EYS: variants seen among roughly 807,000 people sequenced by gnomAD.
EYS encodes the protein EGF-like photoreceptor maintenance factor.
EYS carries 250 observed loss-of-function variants against 282.1 expected under a neutral mutation model. That is an observed-to-expected ratio of 0.89 (90% confidence interval 0.80 to 0.98). The LOEUF is 0.98. Ranked by LOEUF, EYS falls within the 50% of genes least tolerant of loss-of-function variation. The pLI, the probability that EYS is intolerant of heterozygous loss-of-function variation, is 0.00. For synonymous variants in EYS, 1,355 were observed against 1,282.9 expected, an observed-to-expected ratio of 1.06 and a Z score of -1.20; for missense variants, 4,016 against 3,709.0, an observed-to-expected ratio of 1.08 and a Z score of -2.15.
intron 22 of EYS, among the ~76,000 whole-genome samples, chr6:64,634,531 A>G (rs892040645): frequency 7.0e-5 from 9 of 128,596 alleles, no homozygotes; most frequent in African/African-American, 2.4e-4. Flanking sequence ...TATACTCAGT[A>G]AGATACCCTA....
chr6:64,780,307 T>C (rs1427050088), intron 22 of EYS, among the ~76,000 whole-genome samples: 1 of 152,196 alleles, frequency 6.6e-6, no homozygotes, highest in Middle Eastern at 3.2e-3. Flanking sequence ...AAAAATATAA[T>C]GGTTGAAGAA....
At position 64,813,511 on chromosome 6, in the gene EYS, T is replaced by C. The variant is rs2150016228; in HGVS notation, c.3310A>G (p.Ile1104Val). The change falls in exon 22 of 43, where the codon ATT (isoleucine) becomes GTT (valine). Residue 1104 changes from isoleucine (I) to valine (V), a missense_variant. Transcript: ENST00000503581. Reference protein sequence around the residue: ...CQKSAHGFTCICPRGYTGAYC... With the variant: ...CQKSAHGFTCVCPRGYTGAYC... ...GCACCAGTGTATCCACGTGGGCAAATGCAAGTAAATCCATGTGCTGACTTC... is the reference window on the plus strand; with the variant it reads ...GCACCAGTGTATCCACGTGGGCAAACGCAAGTAAATCCATGTGCTGACTTC... 6.4e-7 allele frequency: 1 copy of C among 1,550,610 alleles called. No individual in the cohort carries two copies. The highest frequency in any genetic ancestry group is 2.4e-5 in the East Asian group (1 of 40,870).
chr6:64,230,701 C>T lies in EYS; in HGVS notation c.6315G>A (p.Gln2105=). ...PSVAAPSVCQ[Q]DVCHNGGTCH... is the part of the protein sequence containing the mutation. ...ATGTGCCTCCATTGTGGCATACATC[C>T]TGCTGGCACACAGAGGGTGCTGCAA... The change falls in exon 31 of 43, where the codon CAG becomes CAA. Residue 2105 remains glutamine, a synonymous_variant. Coordinates refer to ENST00000503581, the MANE Select transcript of EYS (RefSeq NM_001142800.2). 6.4e-7 allele frequency: 1 copy of T among 1,551,624 alleles called. No individual in the cohort carries two copies. Among genetic ancestry groups the T allele is most frequent in the Non-Finnish European group, 8.7e-7 (1 of 1,146,924 alleles).
At chr6:65,421,809 C>T (rs1423785326) in intron 5 of EYS, among the ~76,000 whole-genome samples, 2 of 151,704 alleles carry the variant, frequency 1.3e-5, no homozygotes, top group Admixed American at 6.6e-5. Flanking sequence ...GGAGAGAAAG[C>T]AGAACGGTCA....
At chr6:63,841,570 G>T (rs1276293754) in intron 36 of EYS, among the ~76,000 whole-genome samples, 1 of 152,066 alleles carries the variant, frequency 6.6e-6, no homozygotes, top group Non-Finnish European at 1.5e-5. Flanking sequence ...TTACTATTTT[G>T]TAATGAACTG....
intron 31 of EYS, among the ~76,000 whole-genome samples, chr6:64,172,129 C>T (rs1764496218): frequency 6.6e-6 from 1 of 152,122 alleles, no homozygotes; most frequent in Non-Finnish European, 1.5e-5. Flanking sequence ...AATATTCTTT[C>T]CTGATCTATG....
intron 12 of EYS, among the ~76,000 whole-genome samples, chr6:65,102,863 T>A (rs922706828): frequency 1.3e-5 from 2 of 151,428 alleles, no homozygotes; most frequent in Admixed American, 6.6e-5. Flanking sequence ...TTTATTAGGA[T>A]ATAATTATTT....
intron 22 of EYS, among the ~76,000 whole-genome samples, chr6:64,766,026 A>G (rs548894238): frequency 1.3e-5 from 2 of 152,190 alleles, no homozygotes; most frequent in African/African-American, 4.8e-5. Context: ...CTATGGGAAA[A>G]AATGAAATCC....
At chr6:65,602,641 A>T (rs1765651506) in intron 2 of EYS, among the ~76,000 whole-genome samples, 1 of 151,978 alleles carries the variant, frequency 6.6e-6, no homozygotes, top group African/African-American at 2.4e-5. Flanking sequence ...TTGTATATTA[A>T]ATAAAAAAGA....
At chr6:64,788,837 T>C (rs1774097723) in intron 22 of EYS, among the ~76,000 whole-genome samples, 1 of 152,218 alleles carries the variant, frequency 6.6e-6, no homozygotes, top group African/African-American at 2.4e-5. Context: ...TTGTCTCTTC[T>C]TTGCTTTATG....
Position 64,024,681 on chromosome 6 carries a change from G to A in EYS, c.6726-25498C>T, listed in dbSNP as rs557799356. ...CTGCAGCTTCACCCCTGAAGCTAGC[G>A]AGACCACGAACTCACCGGGAGGAAT... is the stretch of plus-strand genomic sequence containing the variant. On this transcript the variant is annotated intron_variant, in intron 33 of 42. Transcript: ENST00000503581. 3.3e-5 allele frequency among the ~76,000 whole-genome samples: 5 copies of A among 152,054 alleles called. No individual in the cohort carries two copies. In the South Asian group the frequency reaches 6.2e-4, roughly 19 times the overall value.
At chr6:64,568,712 G>C (rs2149815887) in intron 26 of EYS, among the ~76,000 whole-genome samples, 1 of 152,246 alleles carries the variant, frequency 6.6e-6, no homozygotes, top group Middle Eastern at 3.4e-3. Context: ...GGGGTCGACA[G>C]ACACCTCATA....
chr6:64,032,260 A>G (rs1273461965), intron 33 of EYS, among the ~76,000 whole-genome samples: 1 of 152,176 alleles, frequency 6.6e-6, no homozygotes, highest in Non-Finnish European at 1.5e-5. Context: ...AAGAGCTGTA[A>G]CACTCACCGC....
intron 13 of EYS, among the ~76,000 whole-genome samples, chr6:65,032,173 C>T (rs997459369): frequency 6.6e-6 from 1 of 152,062 alleles, no homozygotes; most frequent in Non-Finnish European, 1.5e-5. Context: ...TACATACAAC[C>T]TCCCAAGATT....
At chr6:65,106,526 A>G (rs1466350413) in intron 12 of EYS, among the ~76,000 whole-genome samples, 1 of 152,054 alleles carries the variant, frequency 6.6e-6, no homozygotes, top group Non-Finnish European at 1.5e-5. Flanking sequence ...ATCAGCCTAC[A>G]AAAGGCATAC....
intron 22 of EYS, among the ~76,000 whole-genome samples, chr6:64,707,639 G>T (rs558296351): frequency 6.3e-5 from 9 of 143,930 alleles, no homozygotes; most frequent in South Asian, 2.3e-4. Flanking sequence ...CACTCCAGCC[G>T]GGGCGACAGA....
chr6:63,763,367 T>C (rs58198138), intron 40 of EYS, among the ~76,000 whole-genome samples: 14,255 of 152,052 alleles, frequency 0.094, 708 homozygotes, highest in East Asian at 0.16. Flanking sequence ...TCAGATAAAA[T>C]GCAGAGCATC....
intron 22 of EYS, among the ~76,000 whole-genome samples, chr6:64,702,224 T>C (rs147285927): frequency 8.6e-5 from 13 of 152,030 alleles, no homozygotes; most frequent in Non-Finnish European, 1.9e-4. Context: ...TTTTTACAAA[T>C]ACAAAAAAAG....
At chr6:64,825,121 A>C (rs1248939137) in intron 19 of EYS, among the ~76,000 whole-genome samples, 1 of 151,958 alleles carries the variant, frequency 6.6e-6, no homozygotes, top group Non-Finnish European at 1.5e-5. Context: ...CTGTTCCTAA[A>C]AGACCTTTGT....
Sources: allele counts gnomAD v4.1 joint callset (sites outside exome capture counted in the v4.1 genomes callset), GRCh38; gene constraint gnomAD v4.1.1; transcripts MANE v1.5; gene names NCBI Gene and HGNC (gene_info 2026-07-23, HGNC 2026-07-21).